USP9X: variants seen among roughly 807,000 people sequenced by gnomAD.
USP9X encodes ubiquitin specific peptidase 9 X-linked, also known as ubiquitin carboxyl-terminal hydrolase 9X.
A neutral mutation model predicts 190.3 loss-of-function variants in USP9X; 7 were observed. That is an observed-to-expected ratio of 0.04 (90% CI 0.02 to 0.07). USP9X has a LOEUF of 0.07. USP9X is among the 10% of genes least tolerant of loss of function. USP9X has a pLI of 1.00. For missense variants in USP9X, 1,010 were observed against 1,916.9 expected, an observed-to-expected ratio of 0.53 and a Z score of 8.83; for synonymous variants, 645 against 659.5, an observed-to-expected ratio of 0.98 and a Z score of 0.34.
intron 24 of USP9X, 53 bp downstream of exon 24, chrX:41,186,695 T>C (rs1330223756): frequency 1.9e-5 from 22 of 1,154,995 alleles, no homozygotes; most frequent in East Asian, 3.0e-5. Context: ...GGCCCACTTA[T>C]TTTAATCACT....
chrX:41,216,003 C>T lies in USP9X; in HGVS notation c.5436C>T (p.Phe1812=), dbSNP rs780266527. 1.3e-5 allele frequency: 16 copies of T among 1,209,668 alleles called. No individual in the cohort carries two copies. The highest frequency in any genetic ancestry group is 1.3e-4 in the Admixed American group (6 of 45,623). Residue 1812 remains phenylalanine, a synonymous_variant, in exon 35 of 45, where the codon TTC becomes TTT. Transcript: ENST00000378308. ...YDWERECAIK[F]NDYFEFPREL... is the part of the protein sequence containing the mutation. ...GGGAAAGAGAATGTGCAATCAAGTT[C>T]AATGATTATTTTGAATTTCCTCGAG...
At chrX:41,212,175 C>G (rs2063168780) in intron 33 of USP9X, among the ~76,000 whole-genome samples, 1 of 109,881 alleles carries the variant, frequency 9.1e-6, no homozygotes, top group Non-Finnish European at 1.9e-5. Context: ...CAACCCTGTG[C>G]TCTCTGAAAC....
At chrX:41,174,932 C>T (rs750699616) in intron 21 of USP9X, among the ~76,000 whole-genome samples, 1 of 111,189 alleles carries the variant, frequency 9.0e-6, no homozygotes, top group Non-Finnish European at 1.9e-5. Flanking sequence ...TGCGTTGAGC[C>T]GAGATCATGC....
intron 1 of USP9X, among the ~76,000 whole-genome samples, chrX:41,099,096 GTTTTTTTT>G (rs34179321): frequency 0.028 from 1,251 of 44,262 alleles, 38 homozygotes; most frequent in Middle Eastern, 0.065. Context: ...CCAGATAATT[GTTTTTTTT>G]TTTTTTTTTT....
intron 1 of USP9X, among the ~76,000 whole-genome samples, chrX:41,102,660 A>G (rs978998663): frequency 8.9e-6 from 1 of 112,063 alleles, no homozygotes; most frequent in Non-Finnish European, 1.9e-5. Context: ...TGCCTTGTCT[A>G]AAATGTCATA....
At chrX:41,181,804 C>G (rs1243645806) in intron 21 of USP9X, among the ~76,000 whole-genome samples, 1 of 110,464 alleles carries the variant, frequency 9.1e-6, no homozygotes, top group Admixed American at 9.6e-5. Context: ...TGCTGTGTTA[C>G]GCAGGCTGGT....
intron 14 of USP9X, among the ~76,000 whole-genome samples, chrX:41,154,526 C>T (rs1311332456): frequency 9.0e-6 from 1 of 111,465 alleles, no homozygotes; most frequent in Non-Finnish European, 1.9e-5. Flanking sequence ...GTCAGGAACC[C>T]GGCTGTCTCA....
chrX:41,222,784 G>A (rs974932159), intron 38 of USP9X, among the ~76,000 whole-genome samples: 4 of 111,124 alleles, frequency 3.6e-5, no homozygotes, highest in East Asian at 2.8e-4. Flanking sequence ...GGCATGGTAC[G>A]TGCCTGTAGT....
rs747569481 is a variant in USP9X, at chrX:41,234,045, C to CT, written c.*1536dup. The CT allele has an allele frequency of 0.14, 12,587 of 93,008 alleles. 863 individuals carry two copies. Among genetic ancestry groups the CT allele is most frequent in the East Asian group, 0.21 (629 of 3,010 alleles). The allele number at this position is 93,008 out of a possible 1,213,427, so 7.7% of individuals were successfully genotyped here. A position where few individuals can be genotyped will look rare whatever the true frequency, so the allele number is the denominator to read the frequency against. ...TTTTTTTTTGGTTACTTTTTTTGTC[C>CT]TTTTTTTTTTTTTTTAAAAGAGGAC... On this transcript the variant is annotated 3_prime_UTR_variant, in exon 45 of 45. Coordinates refer to ENST00000378308, the MANE Select transcript of USP9X (RefSeq NM_001039591.3).
intron 27 of USP9X, 34 bp downstream of exon 27, chrX:41,196,393 T>TTA (rs1491019835): frequency 5.9e-6 from 7 of 1,182,416 alleles, no homozygotes; most frequent in Non-Finnish European, 8.0e-6. Context: ...ATCAATGTGA[T>TTA]TCATTCTTTA....
At chrX:41,086,279 G>T (rs974463738) in intron 1 of USP9X, among the ~76,000 whole-genome samples, 170 bp downstream of exon 1, 1 of 112,553 alleles carries the variant, frequency 8.9e-6, no homozygotes, top group African/African-American at 3.2e-5. Flanking sequence ...GGCTGGGCGG[G>T]CGCGCGGGCC....
chrX:41,221,229 T>A (rs1304152212), intron 38 of USP9X, among the ~76,000 whole-genome samples: 1 of 111,617 alleles, frequency 9.0e-6, no homozygotes, highest in Non-Finnish European at 1.9e-5. Flanking sequence ...ACCACTGCAC[T>A]CCAGCCTGGG....
intron 21 of USP9X, among the ~76,000 whole-genome samples, chrX:41,177,974 A>G (rs1172645479): frequency 3.7e-5 from 4 of 108,948 alleles, no homozygotes; most frequent in Non-Finnish European, 7.6e-5. Flanking sequence ...CTGGTATGAG[A>G]AGATGTTTCA....
intron 9 of USP9X, 151 bp downstream of exon 9, chrX:41,141,582 G>C (rs930916359): frequency 2.5e-5 from 14 of 567,903 alleles, no homozygotes; most frequent in Non-Finnish European, 3.4e-5. Context: ...TGTTAATCCT[G>C]AGAACTTTTT....
intron 37 of USP9X, 84 bp downstream of exon 37, chrX:41,218,681 G>A (rs1255020978): frequency 5.7e-6 from 5 of 877,317 alleles, no homozygotes; most frequent in African/African-American, 2.0e-5. Flanking sequence ...AAGCATATGT[G>A]CATCCACTTG....
chrX:41,166,858 A>G (rs778923559), intron 16 of USP9X, among the ~76,000 whole-genome samples: 3 of 112,222 alleles, frequency 2.7e-5, no homozygotes, highest in South Asian at 7.3e-4. Flanking sequence ...GTGGTTTTCA[A>G]CATTGTTTTA....
intron 1 of USP9X, among the ~76,000 whole-genome samples, chrX:41,108,098 C>G (rs1366990053): frequency 9.0e-6 from 1 of 111,188 alleles, no homozygotes; most frequent in Non-Finnish European, 1.9e-5. Flanking sequence ...CTTTGGATAC[C>G]CTACACCTCT....
intron 1 of USP9X, among the ~76,000 whole-genome samples, chrX:41,096,916 CAA>C (rs2061995770): frequency 8.9e-6 from 1 of 112,129 alleles, no homozygotes; most frequent in African/African-American, 3.2e-5. Context: ...AATCTGTAGT[CAA>C]GAGAAATTGT....
intron 30 of USP9X, among the ~76,000 whole-genome samples, chrX:41,199,079 G>C (rs1018137781): frequency 1.1e-4 from 12 of 110,862 alleles, no homozygotes; most frequent in Admixed American, 9.6e-4. Flanking sequence ...AGCTACTCAG[G>C]AGGCTGAGAC....
Sources: allele counts gnomAD v4.1 joint callset (sites outside exome capture counted in the v4.1 genomes callset), GRCh38; gene constraint gnomAD v4.1.1; transcripts MANE v1.5; gene names NCBI Gene and HGNC (gene_info 2026-07-23, HGNC 2026-07-21).